The following ABCG1 variants were observed in gnomAD, a reference collection of about 807,000 sequenced individuals.
ABCG1 encodes the protein ATP binding cassette subfamily G member 1.
ABCG1 carries 29 observed loss-of-function variants against 69.2 expected under a neutral mutation model. The observed-to-expected ratio is 0.42, with a 90% CI of 0.31 to 0.57. The LOEUF (loss-of-function observed/expected upper bound fraction) is 0.57, where lower values mean the gene tolerates loss of function less well. Ranked by LOEUF, ABCG1 falls within the 20% of genes least tolerant of loss-of-function variation. The pLI, the probability that ABCG1 is intolerant of heterozygous loss-of-function variation, is 0.15. For missense variants in ABCG1, 718 were observed against 898.1 expected, an observed-to-expected ratio of 0.80 and a Z score of 2.56; for synonymous variants, 370 against 374.8, an observed-to-expected ratio of 0.99 and a Z score of 0.15.
At chr21:42,274,102 C>T (rs767237869) in intron 4 of ABCG1, among the ~76,000 whole-genome samples, 3 of 152,236 alleles carry the variant, frequency 2.0e-5, no homozygotes, top group Non-Finnish European at 4.4e-5. Flanking sequence ...ACTGCCAGCT[C>T]AGCTTCCCTG....
chr21:42,284,860 C>G (rs1423353975), intron 7 of ABCG1, among the ~76,000 whole-genome samples, 177 bp downstream of exon 7: 1 of 152,078 alleles, frequency 6.6e-6, no homozygotes, highest in Admixed American at 6.5e-5. Context: ...GACACCAAAC[C>G]CTGGGTACCC....
rs553192401 is a variant in ABCG1 at position 42,287,472 on chromosome 21, G to A, written c.974-417G>A. 1.7e-4 allele frequency among the ~76,000 whole-genome samples: 26 copies of A among 152,308 alleles called. No homozygotes were observed. Among genetic ancestry groups the A allele is most frequent in the African/African-American group, 5.5e-4 (23 of 41,560 alleles). ...TTCTCTGCCATCTTGTAGAACTGCC[G>A]TGGCTCTCGTCACACCCTGCCAAAC... is the stretch of plus-strand genomic sequence containing the variant. On this transcript the variant is annotated intron_variant, in intron 8 of 14. Coordinates refer to ENST00000398449, the MANE Select transcript of ABCG1 (RefSeq NM_016818.3). The surrounding 1 kb of genome is among the most constrained non-coding windows in gnomAD (Gnocchi z 6.2).
chr21:42,213,177 C>A (rs578123755), upstream of ABCG1, among the ~76,000 whole-genome samples: 1 of 152,354 alleles, frequency 6.6e-6, no homozygotes, highest in East Asian at 1.9e-4. Context: ...GACGGCATAA[C>A]CCTGAAGGTG....
rs2068705275 is a variant in ABCG1, at chr21:42,276,094, T to C, written c.538-801T>C. On this transcript the variant is annotated intron_variant, in intron 4 of 14. Coordinates refer to ENST00000398449, the MANE Select transcript of ABCG1 (RefSeq NM_016818.3). The surrounding 1 kb of genome is among the most constrained non-coding windows in gnomAD (Gnocchi z 5.3). ...GGTGGACAGAGCTTAACCTCACCAT[T>C]GTGCCAGTGAGGAAATGGAGGTTGC... 6.6e-6 allele frequency among the ~76,000 whole-genome samples: 1 copy of C among 151,306 alleles called. No individual in the cohort carries two copies. Among genetic ancestry groups the C allele is most frequent in the African/African-American group, 2.4e-5 (1 of 41,128 alleles).
At chr21:42,229,978 C>T (rs764227575) in intron 2 of ABCG1, among the ~76,000 whole-genome samples, 10 of 152,184 alleles carry the variant, frequency 6.6e-5, no homozygotes, top group Non-Finnish European at 7.3e-5. Context: ...CAACATACAA[C>T]GCCCTAGCAA....
At chr21:42,244,843 G>A (rs2068108158) in intron 2 of ABCG1, among the ~76,000 whole-genome samples, 1 of 152,228 alleles carries the variant, frequency 6.6e-6, no homozygotes, top group African/African-American at 2.4e-5. Flanking sequence ...CAAAGGGAAC[G>A]ACCGTAGGCA....
At chr21:42,202,343 G>T (rs2067512731) in intron 2 of ABCG1, among the ~76,000 whole-genome samples, 1 of 152,180 alleles carries the variant, frequency 6.6e-6, no homozygotes, top group African/African-American at 2.4e-5. Flanking sequence ...TCTCAGGCTG[G>T]TGGGAGTGCC....
At chr21:42,245,287 G>T (rs908063072) in intron 2 of ABCG1, among the ~76,000 whole-genome samples, 1 of 152,196 alleles carries the variant, frequency 6.6e-6, no homozygotes, top group Non-Finnish European at 1.5e-5. Flanking sequence ...CCACTGGCTC[G>T]CATATAGGTC....
chr21:42,243,323 C>T (rs2068079066), intron 2 of ABCG1, among the ~76,000 whole-genome samples: 1 of 152,112 alleles, frequency 6.6e-6, no homozygotes. Flanking sequence ...TGGACTGCTG[C>T]ACGCCAGGGA....
At chr21:42,264,833 G>C (rs2068475278) in intron 2 of ABCG1, among the ~76,000 whole-genome samples, 1 of 152,142 alleles carries the variant, frequency 6.6e-6, no homozygotes, top group Non-Finnish European at 1.5e-5. Flanking sequence ...GTGCTCTGGG[G>C]AGCTCTCCAG....
chr21:42,212,884 G>A (rs568776293), upstream of ABCG1, among the ~76,000 whole-genome samples: 20 of 152,126 alleles, frequency 1.3e-4, no homozygotes, highest in South Asian at 8.3e-4. Flanking sequence ...TAGTAGAGAT[G>A]GGGTTTCACC....
At chr21:42,290,748 G>A (rs1247820033) in intron 11 of ABCG1, among the ~76,000 whole-genome samples, 1 of 152,170 alleles carries the variant, frequency 6.6e-6, no homozygotes, top group Non-Finnish European at 1.5e-5. Flanking sequence ...AGAGCAGCTT[G>A]CAGCCTTGCT....
rs563013524 is a variant in ABCG1, at chr21:42,202,044, G to T, written c.48+321G>T. On this transcript the variant is annotated intron_variant, in intron 2 of 15. Coordinates refer to the ABCG1 transcript ENST00000398457. ...TCCATGCAGGGCGCAGTGTCCTGCT[G>T]AGTGTGCAGGTGCCTGTCCCTGCCC... 1.1e-3 allele frequency among the ~76,000 whole-genome samples: 170 copies of T among 152,156 alleles called. 2 individuals carry two copies. Among genetic ancestry groups the T allele is most frequent in the Admixed American group, 0.01 (153 of 15,300 alleles).
chr21:42,292,032 A>G (rs2069072243), intron 13 of ABCG1, among the ~76,000 whole-genome samples: 1 of 152,106 alleles, frequency 6.6e-6, no homozygotes, highest in African/African-American at 2.4e-5. Context: ...TCGGGAGCCA[A>G]GCTCCCAACA....
intron 2 of ABCG1, among the ~76,000 whole-genome samples, chr21:42,249,410 C>G (rs892194852): frequency 1.5e-4 from 23 of 152,132 alleles, no homozygotes; most frequent in African/African-American, 5.6e-4. Flanking sequence ...AGTTCTGTTT[C>G]TGGTCGGTTT....
chr21:42,290,044 C>T lies in ABCG1; in HGVS notation c.1225-6C>T. The T allele has an allele frequency of 6.2e-7, 1 of 1,614,180 alleles. No homozygotes were observed. Among genetic ancestry groups the T allele is most frequent in the Non-Finnish European group, 8.5e-7 (1 of 1,180,024 alleles). On this transcript the variant is annotated splice_region_variant and splice_polypyrimidine_tract_variant and intron_variant, in intron 10 of 14. Coordinates refer to ENST00000398449, the MANE Select transcript of ABCG1 (RefSeq NM_016818.3). ...CGCACTGGGTAAGATGCGGGTCTGTCCCCAGGTCCTGACACACCTGCGCAT... is the reference window on the plus strand; with the variant it reads ...CGCACTGGGTAAGATGCGGGTCTGTTCCCAGGTCCTGACACACCTGCGCAT...
chr21:42,234,745 G>GACGA (rs1435339156), intron 2 of ABCG1, among the ~76,000 whole-genome samples: 1 of 152,194 alleles, frequency 6.6e-6, no homozygotes, highest in Non-Finnish European at 1.5e-5. Flanking sequence ...GACGCAGGGT[G>GACGA]ACGTTCGCGC....
At position 42,291,584 on chromosome 21, in the gene ABCG1, G is replaced by T. The variant is rs762812239; in HGVS notation, c.1581G>T (p.Ala527=). The change falls in exon 13 of 15, where the codon GCG becomes GCT. Residue 527 remains alanine (A), a synonymous_variant. Coordinates refer to ENST00000398449, the MANE Select transcript of ABCG1 (RefSeq NM_016818.3). This position sits in a 1 kb window ranked among gnomAD's most constrained non-coding sequence, Gnocchi z 6.4. ...CCGTGCGCTTTGTGCTGTTTGCCGC[G>T]CTGGGCACCATGACCTCCCTGGTGG... ...SDAVRFVLFA[A]LGTMTSLVAQ... The T allele has an allele frequency of 4.3e-6, 7 of 1,612,346 alleles. No individual in the cohort carries two copies. The highest frequency in any genetic ancestry group is 3.3e-5 in the Admixed American group (2 of 60,010).
rs934387793 is a variant in ABCG1 at position 42,296,622 on chromosome 21, T to TG, written c.*232dup. ...AACTAGGAAGATGTAGGCAGATTGG[T>TG]GGTTTTTTTTTTTTTAACATACAGA... On this transcript the variant is annotated 3_prime_UTR_variant, in exon 15 of 15. Transcript: ENST00000398449. This position sits in a 1 kb window ranked among gnomAD's most constrained non-coding sequence, Gnocchi z 5.4. 24 of 478,120 alleles carry TG rather than the reference T, an allele frequency of 5.0e-5. No individual in the cohort carries two copies. The highest frequency in any genetic ancestry group is 3.5e-4 in the South Asian group (14 of 40,502). The allele number at this position is 478,120 out of a possible 1,614,324, so 29.6% of individuals were successfully genotyped here.
Sources: allele counts gnomAD v4.1 joint callset (sites outside exome capture counted in the v4.1 genomes callset), GRCh38; gene constraint gnomAD v4.1.1; non-coding constraint Gnocchi (gnomAD v3.1); transcripts MANE v1.5; gene names NCBI Gene and HGNC (gene_info 2026-07-23, HGNC 2026-07-21).